MDM4: variants seen among roughly 807,000 people sequenced by gnomAD.
MDM4 encodes protein Mdm4.
MDM4 carries 2 observed loss-of-function variants against 60.2 expected under a neutral mutation model. The ratio of observed to expected loss-of-function variants is 0.03; its 90% CI spans 0.01 to 0.10. MDM4 has a LOEUF of 0.10. Ranked by LOEUF, MDM4 falls within the 10% of genes least tolerant of loss-of-function variation. The pLI is 1.00. For missense variants in MDM4, 447 were observed against 577.5 expected, an observed-to-expected ratio of 0.77 and a Z score of 2.32; for synonymous variants, 202 against 198.1, an observed-to-expected ratio of 1.02 and a Z score of -0.17.
chr1:204,551,628 G>A lies in MDM4; in HGVS notation c.*1946G>A, dbSNP rs1176409202. On this transcript the variant is annotated 3_prime_UTR_variant, in exon 11 of 11. Coordinates refer to ENST00000367182, the MANE Select transcript of MDM4 (RefSeq NM_002393.5). ...TTTAAGTTGGTTTCCATAGAGCTAT[G>A]CATGTATCCTTACCCCCATGGGAAA... 1 of 231,814 alleles carries A rather than the reference G, an allele frequency of 4.3e-6. No individual in the cohort carries two copies. Among genetic ancestry groups the A allele is most frequent in the Non-Finnish European group, 8.5e-6 (1 of 117,396 alleles). The allele number at this position is 231,814 out of a possible 1,614,324, so 14.4% of individuals were successfully genotyped here. A position where few individuals can be genotyped will look rare whatever the true frequency, so the allele number is the denominator to read the frequency against.
At chr1:204,520,931 G>T (rs530161043) in intron 1 of MDM4, among the ~76,000 whole-genome samples, 1 of 152,270 alleles carries the variant, frequency 6.6e-6, no homozygotes, top group South Asian at 2.1e-4. Context: ...ATGTGTGGAT[G>T]AATAATCAGC....
rs912792901 is a variant in MDM4, at chr1:204,550,719, A to G, written c.*1037A>G. On this transcript the variant is annotated 3_prime_UTR_variant, in exon 11 of 11. Coordinates refer to ENST00000367182, the MANE Select transcript of MDM4 (RefSeq NM_002393.5). ...CTCCCAGCTAATTAAAATAATTTGT[A>G]GACGGTGTCTCGTTATGTTGCCCAG... 5.7e-6 allele frequency: 1 copy of G among 175,540 alleles called. No individual in the cohort carries two copies. The highest frequency in any genetic ancestry group is 2.4e-5 in the African/African-American group (1 of 41,930). 10.9% of individuals were successfully genotyped at this position (175,540 alleles called of 1,614,324 possible). A position where few individuals can be genotyped will look rare whatever the true frequency, so the allele number is the denominator to read the frequency against.
chr1:204,532,122 A>G lies in MDM4; in HGVS notation c.288-69A>G. The G allele has an allele frequency of 5.5e-6, 5 of 907,896 alleles. No individual in the cohort carries two copies. In the South Asian group the frequency reaches 6.9e-5, roughly 12 times the overall value. The allele number at this position is 907,896 out of a possible 1,614,324, so 56.2% of individuals were successfully genotyped here. ...ACATCAGAAATACATTTAATATTTA[A>G]CGGCAAACCACTGATATCTTCATAG... On this transcript the variant is annotated intron_variant, in intron 4 of 10. Transcript: ENST00000367182.
chr1:204,529,319 C>G (rs1418217775), intron 3 of MDM4: 2 of 775,474 alleles, frequency 2.6e-6, no homozygotes. Context: ...TGATCAGAGT[C>G]ACCGACTGGA....
chr1:204,519,074 G>A (rs749528592), intron 1 of MDM4, among the ~76,000 whole-genome samples: 1 of 152,170 alleles, frequency 6.6e-6, no homozygotes, highest in Non-Finnish European at 1.5e-5. Flanking sequence ...GACGATTTGT[G>A]CAAAGGCCCT....
chr1:204,538,472 A>G (rs886622791), intron 7 of MDM4, among the ~76,000 whole-genome samples, 164 bp downstream of exon 7: 2 of 152,230 alleles, frequency 1.3e-5, no homozygotes, highest in Non-Finnish European at 2.9e-5. Context: ...TTAGCTTTGA[A>G]GAGGTAGTGC....
At chr1:204,546,949 G>C (rs1662726977) in intron 10 of MDM4, 72 bp downstream of exon 10, 6 of 903,268 alleles carry the variant, frequency 6.6e-6, no homozygotes, top group Non-Finnish European at 1.1e-5. Flanking sequence ...CAGTTCACTT[G>C]TGTTGAAGAG....
In MDM4 at chr1:204,557,211, T is replaced by C. The variant is rs536373443; in HGVS notation, c.*7529T>C. The C allele has an allele frequency of 1.0e-5, 2 of 193,492 alleles. No homozygotes were observed. Among genetic ancestry groups the C allele is most frequent in the Non-Finnish European group, 2.2e-5 (2 of 92,684 alleles). The allele number at this position is 193,492 out of a possible 1,614,324, so 12.0% of individuals were successfully genotyped here. ...GAAGCTGAGCACTAGCTCCCCTTTA[T>C]TGCCTGCCTGGCAGAGCCTGTTTGA... On this transcript the variant is annotated 3_prime_UTR_variant, in exon 11 of 11. Coordinates refer to ENST00000367182, the MANE Select transcript of MDM4 (RefSeq NM_002393.5).
At chr1:204,527,087 G>A (rs1220693563) in intron 3 of MDM4, among the ~76,000 whole-genome samples, 1 of 150,566 alleles carries the variant, frequency 6.6e-6, no homozygotes, top group Non-Finnish European at 1.5e-5. Context: ...ATGAACCCAG[G>A]ATTTTGAGAC....
In MDM4 at chr1:204,542,910, G is replaced by A. The variant is rs765865190; in HGVS notation, c.638G>A (p.Arg213Lys). 1 of 1,613,290 alleles carries A rather than the reference G, an allele frequency of 6.2e-7. No homozygotes were observed. The change falls in exon 8 of 11, where the codon AGA (arginine) becomes AAA (lysine). Residue 213 changes from arginine (R) to lysine (K), a missense_variant. Arg to Lys is a conservative substitution (Grantham distance 26, BLOSUM62 2). Transcript: ENST00000367182. ...AACTTGAGAAGCAACTATACACCTA[G>A]AAGTAATGGCTCAACTGATTTACAG... The part of the protein sequence containing the change: ...LGNLRSNYTP[R>K]SNGSTDLQTN...
intron 5 of MDM4, 51 bp from the exon 6 acceptor site, chr1:204,537,379 A>G (rs1661528885): frequency 6.9e-7 from 1 of 1,439,750 alleles, no homozygotes; most frequent in East Asian, 2.3e-5. Context: ...TTGTGTGGAA[A>G]GAATGGTTAT....
At chr1:204,528,907 C>T in intron 3 of MDM4, 2 of 1,594,252 alleles carry the variant, frequency 1.3e-6, no homozygotes, top group Non-Finnish European at 1.7e-6. Flanking sequence ...TTGCCTTGTA[C>T]AGCTGTGTCC....
chr1:204,553,611 T>C lies in MDM4; in HGVS notation c.*3929T>C, dbSNP rs1002074627. The C allele has an allele frequency of 2.6e-5, 6 of 228,192 alleles. No homozygotes were observed. The highest frequency in any genetic ancestry group is 1.3e-4 in the African/African-American group (6 of 45,094). 14.1% of individuals were successfully genotyped at this position (228,192 alleles called of 1,614,324 possible). ...AATCACACCACATTACCATCAGATT[T>C]CTTGTTTTAGTTGTCAAATTAATAT... On this transcript the variant is annotated 3_prime_UTR_variant, in exon 11 of 11. Transcript: ENST00000367182.
At chr1:204,530,927 C>T in intron 4 of MDM4, 110 bp downstream of exon 4, 1 of 1,409,070 alleles carries the variant, frequency 7.1e-7, no homozygotes, top group South Asian at 1.3e-5. Context: ...TAAGAGCCTA[C>T]ATATGTTAGG....
chr1:204,523,501 T>TTTTTGA (rs1659791860), intron 1 of MDM4, among the ~76,000 whole-genome samples: 3 of 117,426 alleles, frequency 2.6e-5, no homozygotes, highest in East Asian at 2.9e-4. Flanking sequence ...TTTTTTTTTT[T>TTTTTGA]GCGACAGGGT....
chr1:204,535,954 G>C (rs1004339902), intron 5 of MDM4, among the ~76,000 whole-genome samples: 44 of 152,228 alleles, frequency 2.9e-4, no homozygotes, highest in African/African-American at 1.1e-3. Context: ...GACAGTAATA[G>C]GATTGCTTTA....
In MDM4 at chr1:204,521,940, C is replaced by T. The variant is rs144220727; in HGVS notation, c.-35-3544C>T. On this transcript the variant is annotated intron_variant, in intron 1 of 10. Coordinates refer to ENST00000367182, the MANE Select transcript of MDM4 (RefSeq NM_002393.5). Reference sequence around the variant, plus strand: ...CAGGGAAGGAGATAGGGAATACAAGCGGTTGGGAGTTTTAGTTTTAAAAAT... The same window carrying T: ...CAGGGAAGGAGATAGGGAATACAAGTGGTTGGGAGTTTTAGTTTTAAAAAT... Among the ~76,000 whole-genome samples, 9 of 152,140 alleles carry T rather than the reference C, an allele frequency of 5.9e-5. No individual in the cohort carries two copies. The South Asian group carries it at 6.2e-4, about 11-fold the overall frequency.
At chr1:204,547,139 C>G (rs1360643777) in intron 10 of MDM4, among the ~76,000 whole-genome samples, 1 of 152,186 alleles carries the variant, frequency 6.6e-6, no homozygotes, top group African/African-American at 2.4e-5. Context: ...TCCCTGCCAT[C>G]AAATCTCTCT....
rs2102482520 is a variant in MDM4, at chr1:204,555,320, A to AATTTTTGT, written c.*5645_*5652dup. ...TAGGCGCCCGCCACCACGCCTGGCTAATTTTTGTATTTTTATTGGAGACGG... is the reference window on the plus strand; with the variant it reads ...TAGGCGCCCGCCACCACGCCTGGCTAATTTTTGTATTTTTGTATTTTTATTGGAGACGG... On this transcript the variant is annotated 3_prime_UTR_variant, in exon 11 of 11. Transcript: ENST00000367182. 1 of 164,790 alleles carries AATTTTTGT rather than the reference A, an allele frequency of 6.1e-6. No homozygotes were observed. The highest frequency in any genetic ancestry group is 2.4e-5 in the African/African-American group (1 of 41,786). The allele number at this position is 164,790 out of a possible 1,614,324, so 10.2% of individuals were successfully genotyped here. A position where few individuals can be genotyped will look rare whatever the true frequency, so the allele number is the denominator to read the frequency against.
Sources: gnomAD v4.1 joint callset for allele counts (sites outside exome capture counted in the v4.1 genomes callset) on GRCh38, gnomAD v4.1.1 for gene constraint, MANE v1.5 for transcripts, NCBI Gene and HGNC (gene_info 2026-07-23, HGNC 2026-07-21) for gene names.